The following RAB10 variants were observed in gnomAD, a reference collection of about 807,000 sequenced individuals.
RAB10 encodes RAB10, member RAS oncogene family.
A neutral mutation model predicts 25.7 loss-of-function variants in RAB10; 5 were observed. The observed-to-expected ratio is 0.19, with a 90% confidence interval of 0.10 to 0.41. The LOEUF is 0.41. Among genes scored for constraint, RAB10 ranks in the 10% least tolerant of loss-of-function variants. The pLI, the probability that RAB10 is intolerant of heterozygous loss-of-function variation, is 1.00. For synonymous variants in RAB10, 89 were observed against 86.4 expected, an observed-to-expected ratio of 1.03 and a Z score of -0.16; for missense variants, 103 against 245.8, an observed-to-expected ratio of 0.42 and a Z score of 3.89.
At chr2:26,104,783 G>A (rs1319642870) in intron 2 of RAB10, among the ~76,000 whole-genome samples, 1 of 150,606 alleles carries the variant, frequency 6.6e-6, no homozygotes, top group Non-Finnish European at 1.5e-5. Flanking sequence ...TGTCGCCCAG[G>A]CTGGAATGCA....
At chr2:26,086,193 C>A (rs1438881839) in intron 1 of RAB10, among the ~76,000 whole-genome samples, 5 of 151,732 alleles carry the variant, frequency 3.3e-5, no homozygotes, top group Admixed American at 3.3e-4. Flanking sequence ...TGGCAGTCCC[C>A]TGTAATCCCA....
intron 1 of RAB10, among the ~76,000 whole-genome samples, chr2:26,060,946 T>G (rs1666381001): frequency 6.6e-6 from 1 of 152,124 alleles, no homozygotes; most frequent in African/African-American, 2.4e-5. Context: ...GATGAGTGAT[T>G]TCTTCAGTTA....
Position 26,038,332 on chromosome 2 carries a change from G to A in RAB10, c.127+3597G>A, listed in dbSNP as rs151004854. 5.0e-3 allele frequency among the ~76,000 whole-genome samples: 754 copies of A among 151,862 alleles called. 2 individuals carry two copies. The highest frequency in any genetic ancestry group is 0.01 in the Middle Eastern group (3 of 294). On this transcript the variant is annotated intron_variant, in intron 1 of 5. Coordinates refer to ENST00000264710, the MANE Select transcript of RAB10 (RefSeq NM_016131.5). ...CTGCCTCAGCCTCCTGAGTAGCTGGGATTACAGGTGCGCACCACCACGCCT... is the reference window on the plus strand; with the variant it reads ...CTGCCTCAGCCTCCTGAGTAGCTGGAATTACAGGTGCGCACCACCACGCCT...
intron 3 of RAB10, among the ~76,000 whole-genome samples, chr2:26,113,199 A>G (rs1667610989): frequency 2.0e-5 from 3 of 152,208 alleles, no homozygotes; most frequent in Admixed American, 1.3e-4. Context: ...GTAATACACC[A>G]TATTAATAGA....
chr2:26,099,742 C>A (rs549987598), intron 2 of RAB10, among the ~76,000 whole-genome samples: 1 of 151,846 alleles, frequency 6.6e-6, no homozygotes, highest in Admixed American at 6.6e-5. Context: ...CGGGATTTCA[C>A]TGTATTAGCC....
intron 4 of RAB10, 45 bp downstream of exon 4, chr2:26,127,278 G>C (rs928777862): frequency 1.5e-6 from 2 of 1,344,664 alleles, no homozygotes; most frequent in Non-Finnish European, 2.1e-6. Flanking sequence ...TCTTTGTAAA[G>C]GTAATGCTAC....
At chr2:26,089,085 G>C (rs1014625674) in intron 1 of RAB10, among the ~76,000 whole-genome samples, 5 of 152,126 alleles carry the variant, frequency 3.3e-5, no homozygotes, top group Non-Finnish European at 5.9e-5. Flanking sequence ...AATAAGACTG[G>C]AGAGGTGGCT....
At chr2:26,118,309 G>A (rs961249685) in intron 3 of RAB10, among the ~76,000 whole-genome samples, 14 of 149,948 alleles carry the variant, frequency 9.3e-5, no homozygotes, top group South Asian at 8.5e-4. Context: ...ACAAAGTAAC[G>A]TCCCCTCCTC....
chr2:26,060,555 T>A (rs112043221), intron 1 of RAB10, among the ~76,000 whole-genome samples: 1 of 152,230 alleles, frequency 6.6e-6, no homozygotes. Context: ...CCCAAAGTGC[T>A]GGGATTATAG....
At chr2:26,035,708 G>C (rs900650292) in intron 1 of RAB10, among the ~76,000 whole-genome samples, 23 of 152,236 alleles carry the variant, frequency 1.5e-4, no homozygotes, top group Admixed American at 3.9e-4. Flanking sequence ...GCATTGTGGC[G>C]GTGCAGTTGA....
At chr2:26,127,306 G>A in intron 4 of RAB10, 73 bp downstream of exon 4, 1 of 1,121,262 alleles carries the variant, frequency 8.9e-7, no homozygotes, top group South Asian at 1.4e-5. Flanking sequence ...TATTTTTATA[G>A]TAATAGTGAT....
chr2:26,126,956 G>A (rs1667921012), intron 3 of RAB10, among the ~76,000 whole-genome samples, 188 bp from the exon 4 acceptor site: 1 of 152,176 alleles, frequency 6.6e-6, no homozygotes, highest in Non-Finnish European at 1.5e-5. Flanking sequence ...CTTGGGAATT[G>A]CGTTTCTTTT....
intron 3 of RAB10, among the ~76,000 whole-genome samples, chr2:26,116,712 G>A (rs1295000056): frequency 6.6e-6 from 1 of 151,552 alleles, no homozygotes; most frequent in Non-Finnish European, 1.5e-5. Flanking sequence ...ACCCGCCACC[G>A]CACCCAGCTA....
intron 2 of RAB10, among the ~76,000 whole-genome samples, chr2:26,103,403 T>G (rs1667385500): frequency 6.6e-6 from 1 of 152,178 alleles, no homozygotes; most frequent in African/African-American, 2.4e-5. Context: ...TTCTAGTGAT[T>G]GGGGAAAAGA....
intron 1 of RAB10, among the ~76,000 whole-genome samples, chr2:26,094,374 C>T (rs563712296): frequency 6.6e-6 from 1 of 151,960 alleles, no homozygotes; most frequent in South Asian, 2.1e-4. Context: ...ATCTCAGCCT[C>T]CCAAGTAGCT....
chr2:26,125,757 A>G (rs936456606), intron 3 of RAB10, among the ~76,000 whole-genome samples: 1 of 151,922 alleles, frequency 6.6e-6, no homozygotes, highest in Non-Finnish European at 1.5e-5. Context: ...TGTTTTTTAT[A>G]TATTCTAGGT....
intron 1 of RAB10, among the ~76,000 whole-genome samples, chr2:26,069,406 C>CT (rs1008222831): frequency 3.9e-5 from 6 of 152,090 alleles, no homozygotes; most frequent in African/African-American, 1.4e-4. Flanking sequence ...ACTGGCTGGG[C>CT]TTGGTGGCTC....
At chr2:26,101,896 G>A (rs971947853) in intron 2 of RAB10, 2 of 152,258 alleles carry the variant, frequency 1.3e-5, no homozygotes, top group East Asian at 3.8e-4. Flanking sequence ...TTAGGAAAAA[G>A]TGAACGATCT....
intron 2 of RAB10, among the ~76,000 whole-genome samples, chr2:26,100,578 T>C (rs1462668847): frequency 6.6e-6 from 1 of 152,240 alleles, no homozygotes; most frequent in Non-Finnish European, 1.5e-5. Context: ...TGGCTGTTAT[T>C]GTGACAGTTA....
Sources: gnomAD v4.1 joint callset for allele counts (sites outside exome capture counted in the v4.1 genomes callset) on GRCh38, gnomAD v4.1.1 for gene constraint, MANE v1.5 for transcripts, NCBI Gene and HGNC (gene_info 2026-07-23, HGNC 2026-07-21) for gene names.